Variants in MYH13 observed in about 807,000 individuals in gnomAD.
MYH13 encodes myosin heavy chain 13.
In MYH13, 177 loss-of-function variants were observed where a neutral mutation model predicts 232.1. That is an observed-to-expected ratio of 0.76 (90% CI 0.67 to 0.86). MYH13 has a LOEUF of 0.86. Ranked by LOEUF, MYH13 falls within the 40% of genes least tolerant of loss-of-function variation. The pLI, the probability that MYH13 is intolerant of heterozygous loss-of-function variation, is 0.00. For missense variants in MYH13, 2,246 were observed against 2,405.9 expected (o/e 0.93, Z 1.39); for synonymous variants, 884 against 923.5 (o/e 0.96, Z 0.78).
chr17:10,303,273 T>C lies in MYH13; in HGVS notation c.5590A>G (p.Asn1864Asp). The change falls in exon 39 of 41, where the codon AAT (asparagine) becomes GAT (aspartate). Residue 1864 changes from asparagine (N) to aspartate (D), a missense_variant. Physicochemically the swap from Asn to Asp is conservative, Grantham distance 23. Coordinates refer to ENST00000252172, the MANE Select transcript of MYH13 (RefSeq NM_003802.3). ...MTYQAEEDHK[N>D]ILRLQDLVDK... ...ACCAGGTCCTGGAGCCTAAGGATAT[T>C]CTTGTGGTCCTCCTCAGCCTGCAAA... 1 of 1,613,750 alleles carries C rather than the reference T, an allele frequency of 6.2e-7. No homozygotes were observed. Among genetic ancestry groups the C allele is most frequent in the Middle Eastern group, 1.7e-4 (1 of 6,060 alleles).
At chr17:10,339,983 G>A (rs1340587730) in intron 18 of MYH13, among the ~76,000 whole-genome samples, 167 bp downstream of exon 18, 2 of 152,126 alleles carry the variant, frequency 1.3e-5, no homozygotes, top group Non-Finnish European at 1.5e-5. Flanking sequence ...TTTGTGTTGG[G>A]TACATCCGGT....
chr17:10,312,697 C>G lies in MYH13; in HGVS notation c.4242G>C (p.Lys1414Asn). ...AEENTETANS[K>N]CASLEKTKQR... ...GCTTGGTTTTCTCCAACGATGCGCA[C>G]TTGGAGTTCGCCGTCTCCGTGTTCT... Residue 1414 changes from lysine to asparagine, a missense_variant, in exon 31 of 41, where the codon AAG becomes AAC. By Grantham distance (94) the Lys-to-Asn change is moderately conservative. Coordinates refer to ENST00000252172, the MANE Select transcript of MYH13 (RefSeq NM_003802.3). The G allele has an allele frequency of 6.2e-7, 1 of 1,613,688 alleles. No individual in the cohort carries two copies. The highest frequency in any genetic ancestry group is 1.6e-4 in the Middle Eastern group (1 of 6,062).
At chr17:10,371,751 T>C (rs1004924584) in intron 1 of MYH13, among the ~76,000 whole-genome samples, 1 of 152,148 alleles carries the variant, frequency 6.6e-6, no homozygotes, top group Non-Finnish European at 1.5e-5. Context: ...GCAGCTTGGA[T>C]GCTTAGGGGC....
At chr17:10,343,681 A>G in intron 16 of MYH13, 119 bp downstream of exon 16, 4 of 1,174,454 alleles carry the variant, frequency 3.4e-6, no homozygotes, top group Non-Finnish European at 4.6e-6. Flanking sequence ...TGGAGCTGAA[A>G]GAGAAACATC....
chr17:10,313,570 G>C (rs1256278970), intron 29 of MYH13, among the ~76,000 whole-genome samples: 1 of 151,982 alleles, frequency 6.6e-6, no homozygotes. Flanking sequence ...ACTGTCACAG[G>C]AAAGTAAGTG....
rs538877044 is a variant in MYH13 at position 10,345,236 on chromosome 17, A to C, written c.1550T>G (p.Met517Arg). The change falls in exon 15 of 41, where the codon ATG becomes AGG. Residue 517 changes from methionine (M) to arginine (R), a missense_variant. Coordinates refer to ENST00000252172, the MANE Select transcript of MYH13 (RefSeq NM_003802.3). ...GIEWEFIDFG[M>R]DLAACIELIE... ...GAGCTCGATGCAGGCAGCCAGGTCC[A>C]TTCCGAAGTCAATGAACTCCCACTC... 95 of 1,614,162 alleles carry C rather than the reference A, an allele frequency of 5.9e-5. 1 individual carries two copies. In the South Asian group the frequency reaches 1.0e-3, roughly 17 times the overall value.
At position 10,324,083 on chromosome 17, in the gene MYH13, A is replaced by G. The variant is rs753325183; in HGVS notation, c.2873T>C (p.Ile958Thr). The G allele has an allele frequency of 6.2e-7, 1 of 1,613,826 alleles. No individual in the cohort carries two copies. Among genetic ancestry groups the G allele is most frequent in the Non-Finnish European group, 8.5e-7 (1 of 1,179,958 alleles). ...CGTCAAGGTCAGCTCCAGGTCATCA[A>G]TGTCTCTCTTGAGAGAGGAGCATTT... is the stretch of plus-strand genomic sequence containing the variant. Reference protein sequence around the residue: ...EDKCSSLKRDIDDLELTLTKV... With the variant: ...EDKCSSLKRDTDDLELTLTKV... Residue 958 changes from isoleucine (I) to threonine (T), a missense_variant, in exon 23 of 41, where the codon ATT (isoleucine) becomes ACT (threonine). Coordinates refer to ENST00000252172, the MANE Select transcript of MYH13 (RefSeq NM_003802.3).
At chr17:10,346,626 A>G in intron 13 of MYH13, 54 bp downstream of exon 13, 1 of 1,407,932 alleles carries the variant, frequency 7.1e-7, no homozygotes, top group Non-Finnish European at 1.0e-6. Context: ...CTTTAAGATA[A>G]TGGCTCAAAT....
intron 14 of MYH13, 26 bp downstream of exon 14, chr17:10,345,441 C>G: frequency 3.1e-6 from 5 of 1,614,190 alleles, no homozygotes; most frequent in Non-Finnish European, 1.7e-6. Flanking sequence ...GCAAAGCAGA[C>G]AAGAAAGTAG....
chr17:10,356,116 G>A (rs913745136), intron 8 of MYH13, among the ~76,000 whole-genome samples: 21 of 152,200 alleles, frequency 1.4e-4, no homozygotes, highest in Admixed American at 3.9e-4. Flanking sequence ...GACACTGTGC[G>A]CAAATTTGAG....
At chr17:10,343,085 T>G (rs1261197045) in intron 16 of MYH13, among the ~76,000 whole-genome samples, 1 of 53,734 alleles carries the variant, frequency 1.9e-5, no homozygotes, top group Non-Finnish European at 4.0e-5. Context: ...CAAGACTCTG[T>G]CTCAAAAAAA....
intron 16 of MYH13, among the ~76,000 whole-genome samples, chr17:10,342,500 A>G (rs552830314): frequency 3.3e-4 from 51 of 152,358 alleles, no homozygotes; most frequent in Admixed American, 9.8e-4. Flanking sequence ...ATATTCACAT[A>G]TAAACTTCTA....
In MYH13 at chr17:10,336,928, T is replaced by C. The variant is rs965439731; in HGVS notation, c.2056+3222A>G. 2.8e-3 allele frequency among the ~76,000 whole-genome samples: 432 copies of C among 151,604 alleles called. 4 individuals are homozygous for C. The highest frequency in any genetic ancestry group is 0.01 in the African/African-American group (420 of 41,382). On this transcript the variant is annotated intron_variant, in intron 18 of 40. Transcript: ENST00000252172. ...TCCTCTTGAGCACTGTGTCTTTTTT[T>C]TTTTTTTGAGAAGGAGTCTCCCTCT...
intron 8 of MYH13, among the ~76,000 whole-genome samples, chr17:10,357,434 A>T (rs1432642741): frequency 1.3e-5 from 2 of 152,124 alleles, no homozygotes; most frequent in African/African-American, 2.4e-5. Flanking sequence ...ACACAGAGAG[A>T]CCCATTTTAG....
At chr17:10,371,652 T>C (rs947286452) in intron 1 of MYH13, among the ~76,000 whole-genome samples, 2 of 151,996 alleles carry the variant, frequency 1.3e-5, no homozygotes, top group Non-Finnish European at 2.9e-5. Flanking sequence ...CTAAACAAAG[T>C]ACTATGGGAA....
chr17:10,302,943 C>T lies in MYH13; in HGVS notation c.5667+253G>A, dbSNP rs117943063. 4.4e-3 allele frequency among the ~76,000 whole-genome samples: 662 copies of T among 151,308 alleles called. 2 individuals carry two copies. The highest frequency in any genetic ancestry group is 6.4e-3 in the Admixed American group (98 of 15,204). ...GCTCTAGGGGGTGTCAAGTGAGTCACGGTGGGCAGGATGAAGGGGATGGAG... is the reference window on the plus strand; with the variant it reads ...GCTCTAGGGGGTGTCAAGTGAGTCATGGTGGGCAGGATGAAGGGGATGGAG... On this transcript the variant is annotated intron_variant, in intron 39 of 40. Transcript: ENST00000252172.
intron 20 of MYH13, among the ~76,000 whole-genome samples, chr17:10,331,113 A>C (rs1378683246): frequency 6.6e-6 from 1 of 152,212 alleles, no homozygotes; most frequent in East Asian, 1.9e-4. Flanking sequence ...GACAGAGCTC[A>C]CATACAGGAA....
chr17:10,318,421 T>C (rs866963166), intron 27 of MYH13, among the ~76,000 whole-genome samples: 53 of 152,212 alleles, frequency 3.5e-4, no homozygotes, highest in African/African-American at 1.3e-3. Flanking sequence ...AATAGAGGCC[T>C]GAGAGAACTT....
rs762706244 is a variant in MYH13 at position 10,320,136 on chromosome 17, G to C, written c.3348+17C>G. The C allele has an allele frequency of 9.6e-6, 15 of 1,555,362 alleles. No homozygotes were observed. Among genetic ancestry groups the C allele is most frequent in the Non-Finnish European group, 1.3e-5 (15 of 1,144,900 alleles). Reference sequence around the variant, plus strand: ...GCAAAGGGATTGTCATGATTGGGAAGGTTTTGATGCTTTTACTTGCAGTTC... The same window carrying C: ...GCAAAGGGATTGTCATGATTGGGAACGTTTTGATGCTTTTACTTGCAGTTC... On this transcript the variant is annotated intron_variant, in intron 26 of 40. Coordinates refer to ENST00000252172, the MANE Select transcript of MYH13 (RefSeq NM_003802.3).
Sources: gnomAD v4.1 joint callset for allele counts (sites outside exome capture counted in the v4.1 genomes callset) on GRCh38, gnomAD v4.1.1 for gene constraint, MANE v1.5 for transcripts, NCBI Gene and HGNC (gene_info 2026-07-23, HGNC 2026-07-21) for gene names.